Variants in BCL2L14 observed in about 807,000 individuals in gnomAD.
BCL2L14 encodes the protein apoptosis facilitator Bcl-2-like protein 14.
BCL2L14 carries 27 observed loss-of-function variants against 35.3 expected under a neutral mutation model. That is an observed-to-expected ratio of 0.76 (90% CI 0.56 to 1.05). BCL2L14 has a LOEUF of 1.05. Ranked by LOEUF, BCL2L14 falls within the 50% of genes least tolerant of loss-of-function variation. BCL2L14 has a pLI of 0.00. For missense variants in BCL2L14, 377 were observed against 382.6 expected, an observed-to-expected ratio of 0.99 and a Z score of 0.12; for synonymous variants, 139 against 145.9, an observed-to-expected ratio of 0.95 and a Z score of 0.34.
chr12:12,068,110 A>G (rs1948615362), upstream of BCL2L14: 1 of 397,892 alleles, frequency 2.5e-6, no homozygotes, highest in African/African-American at 2.1e-5. Context: ...CGCCCAGCTA[A>G]CTTTTTATTT....
intron 4 of BCL2L14, among the ~76,000 whole-genome samples, chr12:12,093,397 C>T (rs989149222): frequency 6.6e-6 from 1 of 152,134 alleles, no homozygotes; most frequent in African/African-American, 2.4e-5. Flanking sequence ...CCTGGGGAGG[C>T]CGAGGTGGGA....
At chr12:12,085,033 G>A (rs1378626741) in intron 2 of BCL2L14, among the ~76,000 whole-genome samples, 3 of 147,240 alleles carry the variant, frequency 2.0e-5, no homozygotes, top group East Asian at 2.0e-4. Context: ...GCAGCGAGCC[G>A]AGATCGTGCC....
chr12:12,063,336 C>G (rs1474954074), intron 2 of BCL2L14, among the ~76,000 whole-genome samples: 1 of 151,164 alleles, frequency 6.6e-6, no homozygotes, highest in Non-Finnish European at 1.5e-5. Context: ...ACTCTTTAAT[C>G]AGATGTCCTA....
chr12:12,062,518 C>T (rs1296427047), intron 2 of BCL2L14, among the ~76,000 whole-genome samples: 4 of 151,698 alleles, frequency 2.6e-5, no homozygotes, highest in Non-Finnish European at 4.4e-5. Context: ...GTTCCATCTG[C>T]TATTCTACTA....
intron 2 of BCL2L14, among the ~76,000 whole-genome samples, chr12:12,060,138 A>G (rs1449032223): frequency 2.0e-5 from 3 of 150,420 alleles, no homozygotes; most frequent in Non-Finnish European, 4.4e-5. Context: ...TCCACCCTAT[A>G]ATCCTTTTAT....
intron 3 of BCL2L14, 31 bp downstream of exon 3, chr12:12,087,417 G>C (rs1222911634): frequency 6.2e-7 from 1 of 1,607,950 alleles, no homozygotes; most frequent in Non-Finnish European, 8.5e-7. Flanking sequence ...TGGAGTGTTT[G>C]CCAGGCAGGG....
At chr12:12,072,278 A>T (rs2136730686) in intron 1 of BCL2L14, 1 of 152,296 alleles carries the variant, frequency 6.6e-6, no homozygotes, top group Non-Finnish European at 1.5e-5. Flanking sequence ...GAGTCCGCAG[A>T]GCGAGAACCG....
rs758714419 is a variant in BCL2L14 at position 12,087,190 on chromosome 12, A to C, written c.434-23A>C. 9.9e-6 allele frequency: 16 copies of C among 1,611,754 alleles called. 1 individual carries two copies. Among genetic ancestry groups the C allele is most frequent in the Middle Eastern group, 3.3e-4 (2 of 6,050 alleles). ...GATGAAGTTCTGGGAAGGGCCTCTC[A>C]GCACCATTTTGTCTTGTTTCAGCTG... On this transcript the variant is annotated intron_variant, in intron 2 of 5. Coordinates refer to ENST00000308721, the MANE Select transcript of BCL2L14 (RefSeq NM_138723.2).
rs368892062 is a variant in BCL2L14, at chr12:12,098,500, A to G, written c.946-450A>G. Among the ~76,000 whole-genome samples the G allele has an allele frequency of 5.9e-5, 9 of 152,240 alleles. No individual in the cohort carries two copies. The South Asian group carries it at 1.9e-3, about 32-fold the overall frequency. On this transcript the variant is annotated intron_variant, in intron 5 of 5. Transcript: ENST00000308721. ...GATCAAATGAATGAATAGCAACTCT[A>G]TCTACAAGGCATGCCAAACAAGCTA...
At chr12:12,054,370 G>A (rs892670513) in intron 2 of BCL2L14, among the ~76,000 whole-genome samples, 1 of 151,964 alleles carries the variant, frequency 6.6e-6, no homozygotes, top group Non-Finnish European at 1.5e-5. Flanking sequence ...CAGGCGTGGT[G>A]GCAGGTGCCT....
intron 1 of BCL2L14, among the ~76,000 whole-genome samples, chr12:12,077,071 T>A (rs185397387): frequency 6.6e-6 from 1 of 152,196 alleles, no homozygotes; most frequent in African/African-American, 2.4e-5. Context: ...TACTGTCCCA[T>A]TTCTTTATCA....
intron 2 of BCL2L14, among the ~76,000 whole-genome samples, chr12:12,064,880 G>A (rs913225375): frequency 2.0e-5 from 3 of 152,220 alleles, no homozygotes; most frequent in Non-Finnish European, 2.9e-5. Flanking sequence ...GGTGCAGGGC[G>A]TGATCTCTGT....
In BCL2L14 at chr12:12,087,432, A is replaced by G; in HGVS notation, c.607+46A>G. ...TGGAGTGTTTGCCAGGCAGGGGCGC[A>G]GGAGCATTTGTGTATTTATCCATCC... On this transcript the variant is annotated intron_variant, in intron 3 of 5. Coordinates refer to ENST00000308721, the MANE Select transcript of BCL2L14 (RefSeq NM_138723.2). 4 of 1,595,678 alleles carry G rather than the reference A, an allele frequency of 2.5e-6. No individual in the cohort carries two copies. The South Asian group carries it at 3.3e-5, about 13-fold the overall frequency.
chr12:12,058,554 C>A (rs758105428), intron 2 of BCL2L14, among the ~76,000 whole-genome samples: 12 of 151,924 alleles, frequency 7.9e-5, no homozygotes, highest in Non-Finnish European at 8.8e-5. Context: ...CTTCTCCTGG[C>A]TCATCCTGGC....
intron 2 of BCL2L14, among the ~76,000 whole-genome samples, chr12:12,056,417 C>A (rs1338880089): frequency 2.0e-5 from 3 of 152,282 alleles, no homozygotes; most frequent in East Asian, 3.9e-4. Context: ...AACCCCTCAT[C>A]TATAGTAAGA....
At chr12:12,092,391 G>A (rs1355153485) in intron 4 of BCL2L14, among the ~76,000 whole-genome samples, 1 of 152,228 alleles carries the variant, frequency 6.6e-6, no homozygotes, top group East Asian at 1.9e-4. Flanking sequence ...CCAGTAGGGA[G>A]CTCTGCTAGA....
intron 1 of BCL2L14, among the ~76,000 whole-genome samples, chr12:12,076,604 G>A (rs1183253082): frequency 6.6e-6 from 1 of 152,130 alleles, no homozygotes; most frequent in Non-Finnish European, 1.5e-5. Context: ...CACTGGGAGG[G>A]CCATTTTTGT....
chr12:12,092,509 A>T (rs1332412767), intron 4 of BCL2L14, among the ~76,000 whole-genome samples: 3 of 152,148 alleles, frequency 2.0e-5, no homozygotes, highest in Admixed American at 2.0e-4. Flanking sequence ...CCAAGAGCAC[A>T]CACAGCCCGA....
At chr12:12,079,998 AT>A (rs1948876008) in intron 2 of BCL2L14, among the ~76,000 whole-genome samples, 4 of 151,818 alleles carry the variant, frequency 2.6e-5, no homozygotes, top group Non-Finnish European at 5.9e-5. Context: ...AGGTCAGGAG[AT>A]TGAGACCATC....
Sources: gnomAD v4.1 joint callset for allele counts (sites outside exome capture counted in the v4.1 genomes callset) on GRCh38, gnomAD v4.1.1 for gene constraint, MANE v1.5 for transcripts, NCBI Gene and HGNC (gene_info 2026-07-23, HGNC 2026-07-21) for gene names.